TAS2R1: variants seen among roughly 807,000 people sequenced by gnomAD.
TAS2R1 encodes the protein taste receptor type 2 member 1.
For missense variants in TAS2R1, 370 were observed against 353.4 expected (o/e 1.05, Z -0.38); for synonymous variants, 141 against 134.2 (o/e 1.05, Z -0.35).
chr5:9,878,132 G>A, the TAS2R1 span, among the ~76,000 whole-genome samples: 1 of 152,124 alleles, frequency 6.6e-6, no homozygotes, highest in Non-Finnish European at 1.5e-5. Context: ...ATGAATTCAT[G>A]GGTTCAGAAA....
intron 2 of TAS2R1, among the ~76,000 whole-genome samples, chr5:9,636,991 T>C (rs1166579881): frequency 6.6e-6 from 1 of 152,102 alleles, no homozygotes; most frequent in Non-Finnish European, 1.5e-5. Context: ...CCTTGTTTTT[T>C]TTTTTCCATT....
chr5:9,857,783 C>G, the TAS2R1 span, among the ~76,000 whole-genome samples: 1 of 152,080 alleles, frequency 6.6e-6, no homozygotes, highest in Non-Finnish European at 1.5e-5. Flanking sequence ...TTGTTCCAGT[C>G]TGCAGACTGG....
chr5:9,884,671 G>C, the TAS2R1 span, among the ~76,000 whole-genome samples: 1 of 152,148 alleles, frequency 6.6e-6, no homozygotes, highest in African/African-American at 2.4e-5. Context: ...GATTCTGTCT[G>C]TATTGTCACC....
chr5:9,758,669 C>T, the TAS2R1 span, among the ~76,000 whole-genome samples: 1 of 152,066 alleles, frequency 6.6e-6, no homozygotes, highest in Non-Finnish European at 1.5e-5. Flanking sequence ...AAAAACAAAA[C>T]ACAAAATCAG....
At chr5:9,768,367 G>T in the TAS2R1 span, among the ~76,000 whole-genome samples, 1 of 152,042 alleles carries the variant, frequency 6.6e-6, no homozygotes, top group Admixed American at 6.6e-5. Context: ...TCTCAGTTTT[G>T]AATCCCATGT....
intron 1 of TAS2R1, among the ~76,000 whole-genome samples, chr5:9,683,198 TTATGTATTATAATTGCTTAATAATCTCA>T (rs1741060205): frequency 6.6e-6 from 1 of 152,002 alleles, no homozygotes; most frequent in South Asian, 2.1e-4. Flanking sequence ...AATATTAATA[TTATGTATTATAATTGCTTAATAATCTCA>T]TATGTATTAT....
chr5:9,734,816 G>A, the TAS2R1 span, among the ~76,000 whole-genome samples: 3 of 150,164 alleles, frequency 2.0e-5, no homozygotes, highest in Admixed American at 1.3e-4. Flanking sequence ...TAAGACAACA[G>A]AAAATTGCTT....
At chr5:9,894,405 A>AAAAACAAAAACG in the TAS2R1 span, among the ~76,000 whole-genome samples, 2 of 151,004 alleles carry the variant, frequency 1.3e-5, no homozygotes, top group Admixed American at 1.3e-4. Flanking sequence ...AAACAAAAAC[A>AAAAACAAAAACG]AAAAAAAACA....
At chr5:9,769,362 A>G in the TAS2R1 span, among the ~76,000 whole-genome samples, 2 of 152,212 alleles carry the variant, frequency 1.3e-5, no homozygotes, top group Non-Finnish European at 2.9e-5. Context: ...TATTGTGAAC[A>G]ATGCTGCAAT....
intron 2 of TAS2R1, among the ~76,000 whole-genome samples, chr5:9,653,351 C>G (rs1174255710): frequency 1.3e-5 from 2 of 152,104 alleles, no homozygotes; most frequent in Admixed American, 6.6e-5. Context: ...AATTTCCTTC[C>G]TTTTTAAGGC....
At chr5:9,895,516 A>T in the TAS2R1 span, among the ~76,000 whole-genome samples, 88 of 152,330 alleles carry the variant, frequency 5.8e-4, no homozygotes, top group Non-Finnish European at 1.0e-3. Context: ...TGCCTCAAAA[A>T]GCCTGCAGAG....
At chr5:9,880,591 T>C in the TAS2R1 span, among the ~76,000 whole-genome samples, 1 of 152,158 alleles carries the variant, frequency 6.6e-6, no homozygotes, top group African/African-American at 2.4e-5. Flanking sequence ...CTATCCTCTA[T>C]CATGTAGATG....
the TAS2R1 span, among the ~76,000 whole-genome samples, chr5:9,799,038 C>T: frequency 1.3e-5 from 2 of 152,164 alleles, no homozygotes; most frequent in Non-Finnish European, 2.9e-5. Flanking sequence ...TAGACAACTG[C>T]TGGGACATGC....
chr5:9,856,653 A>G, the TAS2R1 span, among the ~76,000 whole-genome samples: 2 of 152,246 alleles, frequency 1.3e-5, no homozygotes, highest in Non-Finnish European at 2.9e-5. Flanking sequence ...TTCTCTCTAT[A>G]GAGAAAATTG....
At chr5:9,668,118 G>A (rs143351599) in intron 1 of TAS2R1, among the ~76,000 whole-genome samples, 1,764 of 152,210 alleles carry the variant, frequency 0.012, 18 homozygotes, top group Non-Finnish European at 0.014. Flanking sequence ...CAAGAATTTC[G>A]TAATATAACA....
the TAS2R1 span, among the ~76,000 whole-genome samples, chr5:9,828,105 T>C: frequency 6.6e-6 from 1 of 152,138 alleles, no homozygotes; most frequent in Non-Finnish European, 1.5e-5. Context: ...TACTCATTCT[T>C]TAGGTCTTTT....
chr5:9,825,050 C>T, the TAS2R1 span, among the ~76,000 whole-genome samples: 1 of 152,144 alleles, frequency 6.6e-6, no homozygotes, highest in African/African-American at 2.4e-5. Flanking sequence ...AAGATGCAGG[C>T]TTTCACTAAT....
At chr5:9,850,584 C>T in the TAS2R1 span, among the ~76,000 whole-genome samples, 1 of 152,214 alleles carries the variant, frequency 6.6e-6, no homozygotes, top group Non-Finnish European at 1.5e-5. Context: ...ACAGAAGGTT[C>T]TCTTGGCAGA....
chr5:9,885,083 A>C, the TAS2R1 span, among the ~76,000 whole-genome samples: 2 of 152,244 alleles, frequency 1.3e-5, no homozygotes, highest in Non-Finnish European at 2.9e-5. Context: ...CTGTAGACAA[A>C]GAAACTAGGG....
Sources: gnomAD v4.1 joint callset for allele counts (sites outside exome capture counted in the v4.1 genomes callset) on GRCh38, gnomAD v4.1.1 for gene constraint, MANE v1.5 for transcripts, NCBI Gene and HGNC (gene_info 2026-07-23, HGNC 2026-07-21) for gene names.